Variants in CPSF7 observed in about 807,000 individuals in gnomAD.
The protein encoded by CPSF7 is cleavage and polyadenylation specificity factor subunit 7.
CPSF7 carries 1 observed loss-of-function variant against 44.3 expected under a neutral mutation model. The ratio of observed to expected loss-of-function variants is 0.02; its 90% confidence interval spans 0.01 to 0.11. The LOEUF (loss-of-function observed/expected upper bound fraction) is 0.11, where lower values mean the gene tolerates loss of function less well. Ranked by LOEUF, CPSF7 falls within the 10% of genes least tolerant of loss-of-function variation. CPSF7 has a pLI of 1.00. For missense variants in CPSF7, 443 were observed against 607.2 expected (o/e 0.73, Z 2.84); for synonymous variants, 202 against 222.0 (o/e 0.91, Z 0.80).
intron 8 of CPSF7, among the ~76,000 whole-genome samples, chr11:61,411,568 C>T (rs1242793511): frequency 6.6e-6 from 1 of 152,180 alleles, no homozygotes; most frequent in African/African-American, 2.4e-5. Context: ...AGCCCACTGC[C>T]TCACCCACCA....
chr11:61,411,853 C>A lies in CPSF7; in HGVS notation c.1142G>T (p.Arg381Leu), dbSNP rs777698856. Residue 381 changes from arginine to leucine, a missense_variant, in exon 8 of 10, where the codon CGT becomes CTT. By Grantham distance (102) the Arg-to-Leu change is moderately radical (BLOSUM62 -2). Coordinates refer to ENST00000439958, the MANE Select transcript of CPSF7 (RefSeq NM_001142565.3). ...QSRVANDERCRVLISSLKDCL... is the reference protein window; with the variant it reads ...QSRVANDERCLVLISSLKDCL... ...GTCCTTAAGAGAGGAGATGAGGACA[C>A]GGCAACGCTCATCATTGGCAACCCG... The A allele has an allele frequency of 1.2e-6, 2 of 1,613,784 alleles. No homozygotes were observed. The highest frequency in any genetic ancestry group is 1.1e-5 in the South Asian group (1 of 91,082).
At chr11:61,429,068 G>T in intron 2 of CPSF7, 114 bp downstream of exon 2, 2 of 630,300 alleles carry the variant, frequency 3.2e-6, no homozygotes, top group Non-Finnish European at 5.8e-6. Context: ...ATTTTAGACC[G>T]GATAGACGCG....
chr11:61,422,662 A>C (rs539336776), intron 2 of CPSF7, among the ~76,000 whole-genome samples: 49 of 152,316 alleles, frequency 3.2e-4, no homozygotes, highest in African/African-American at 1.2e-3. Context: ...CTAAAATATA[A>C]GGGCCAGAAA....
chr11:61,409,266 G>A (rs1859626527), intron 9 of CPSF7, among the ~76,000 whole-genome samples: 1 of 152,094 alleles, frequency 6.6e-6, no homozygotes, highest in Non-Finnish European at 1.5e-5. Context: ...GAGGTCAGGA[G>A]TTCAAGACCA....
chr11:61,418,795 T>C (rs1860583900), intron 5 of CPSF7, among the ~76,000 whole-genome samples: 1 of 151,820 alleles, frequency 6.6e-6, no homozygotes, highest in African/African-American at 2.4e-5. Flanking sequence ...CTCAGGTCAC[T>C]GCAACCTCCA....
At position 61,429,720 on chromosome 11, in the gene CPSF7, C is replaced by T. The variant is rs191521078; in HGVS notation, c.-56+194G>A. On this transcript the variant is annotated intron_variant, in intron 1 of 9. Coordinates refer to ENST00000439958, the MANE Select transcript of CPSF7 (RefSeq NM_001142565.3). ...GCCCCCAACCCAGGCCTACTCTTCG[C>T]CCCCAGCTAGGCCCGCCCCGCTCCC... The T allele has an allele frequency of 2.4e-4, 363 of 1,536,868 alleles. 1 individual carries two copies. In the African/African-American group the frequency reaches 4.7e-3, roughly 20 times the overall value.
At position 61,404,045 on chromosome 11, in the gene CPSF7, G is replaced by A. The variant is rs1859092057; in HGVS notation, c.*665C>T. ...AGGGGCAAGTCCACTGAGAAGGCTG[G>A]GCAGCGCAGAGTTGAAAGAGTTCAG... On this transcript the variant is annotated 3_prime_UTR_variant, in exon 10 of 10. Coordinates refer to ENST00000439958, the MANE Select transcript of CPSF7 (RefSeq NM_001142565.3). The A allele has an allele frequency of 6.5e-6, 1 of 152,684 alleles. No homozygotes were observed. The highest frequency in any genetic ancestry group is 2.4e-5 in the African/African-American group (1 of 41,462). 9.5% of individuals were successfully genotyped at this position (152,684 alleles called of 1,614,324 possible). A position where few individuals can be genotyped will look rare whatever the true frequency, so the allele number is the denominator to read the frequency against.
At chr11:61,419,894 C>T (rs768456315) in intron 5 of CPSF7, 55 bp downstream of exon 5, 2 of 1,595,020 alleles carry the variant, frequency 1.3e-6, no homozygotes, top group South Asian at 1.1e-5. Context: ...ACAAACACCC[C>T]CCCCTCATAC....
chr11:61,406,735 ATTTTAT>A (rs1483733146), intron 9 of CPSF7, among the ~76,000 whole-genome samples: 1 of 152,068 alleles, frequency 6.6e-6, no homozygotes, highest in Non-Finnish European at 1.5e-5. Context: ...GTCTCATCTT[ATTTTAT>A]TTTTATTACT....
At chr11:61,416,647 C>G (rs1204832911) in intron 5 of CPSF7, 128 bp from the exon 6 acceptor site, 2 of 926,744 alleles carry the variant, frequency 2.2e-6, no homozygotes, top group East Asian at 5.1e-5. Context: ...AAGGTAAAAT[C>G]ATCTACTGCC....
chr11:61,429,529 C>T, intron 1 of CPSF7: 1 of 560,802 alleles, frequency 1.8e-6, no homozygotes, highest in South Asian at 2.5e-5. Context: ...GCCGCAGCTG[C>T]CTATGGCGCG....
intron 2 of CPSF7, among the ~76,000 whole-genome samples, chr11:61,423,877 T>A (rs1443184445): frequency 1.3e-5 from 2 of 152,194 alleles, no homozygotes; most frequent in African/African-American, 2.4e-5. Context: ...TGAAGTACAG[T>A]GGAAGAAAAT....
At chr11:61,413,353 T>C (rs755046877) in intron 7 of CPSF7, among the ~76,000 whole-genome samples, 8 of 152,044 alleles carry the variant, frequency 5.3e-5, no homozygotes, top group Non-Finnish European at 1.0e-4. Flanking sequence ...AAATTATGGC[T>C]GGATGCAGTG....
At position 61,403,225 on chromosome 11, in the gene CPSF7, GTCTC is replaced by G. The variant is rs1286467556; in HGVS notation, c.*1481_*1484del. On this transcript the variant is annotated 3_prime_UTR_variant, in exon 10 of 10. Coordinates refer to ENST00000439958, the MANE Select transcript of CPSF7 (RefSeq NM_001142565.3). ...CAGAGGACGGGTTTAGTCCAATTCA[GTCTC>G]TCTCCTCTGACCCAGAAGGGTCTCT... 6.6e-6 allele frequency: 1 copy of G among 152,286 alleles called. No individual in the cohort carries two copies. Among genetic ancestry groups the G allele is most frequent in the African/African-American group, 2.4e-5 (1 of 41,414 alleles). The allele number at this position is 152,286 out of a possible 1,614,324, so 9.4% of individuals were successfully genotyped here.
Position 61,411,866 on chromosome 11 carries a change from C to A in CPSF7, c.1129G>T (p.Asp377Tyr). ...GAGATGAGGACACGGCAACGCTCAT[C>A]ATTGGCAACCCGGGACTGTTTGATA... ...AVIKQSRVAN[D>Y]ERCRVLISSL... Residue 377 changes from aspartate to tyrosine, a missense_variant, in exon 8 of 10, where the codon GAT becomes TAT. Transcript: ENST00000439958. 1 of 1,614,216 alleles carries A rather than the reference C, an allele frequency of 6.2e-7. No homozygotes were observed. Among genetic ancestry groups the A allele is most frequent in the Non-Finnish European group, 8.5e-7 (1 of 1,180,016 alleles).
chr11:61,418,327 G>A (rs550891018), intron 5 of CPSF7, among the ~76,000 whole-genome samples: 1 of 152,250 alleles, frequency 6.6e-6, no homozygotes, highest in South Asian at 2.1e-4. Context: ...AATAAGGGTG[G>A]TTGGCTGTCT....
chr11:61,404,665 T>C lies in CPSF7; in HGVS notation c.*45A>G, dbSNP rs1406345545. 1 of 152,062 alleles carries C rather than the reference T, an allele frequency of 6.6e-6. No homozygotes were observed. Among genetic ancestry groups the C allele is most frequent in the African/African-American group, 2.4e-5 (1 of 41,396 alleles). The allele number at this position is 152,062 out of a possible 1,614,324, so 9.4% of individuals were successfully genotyped here. ...TTTAGTCCTGATCAAGGTGAGGAGA[T>C]GCAAGTCCATTAAAAAAACATTTGC... On this transcript the variant is annotated 3_prime_UTR_variant, in exon 10 of 10. Transcript: ENST00000439958.
chr11:61,408,582 A>T (rs1859544550), intron 9 of CPSF7, among the ~76,000 whole-genome samples: 1 of 152,194 alleles, frequency 6.6e-6, no homozygotes, highest in Non-Finnish European at 1.5e-5. Context: ...AGATTTCCAT[A>T]GAAGCAGAGA....
At chr11:61,421,303 G>A in intron 3 of CPSF7, 87 bp downstream of exon 3, 5 of 1,176,098 alleles carry the variant, frequency 4.3e-6, no homozygotes, top group Non-Finnish European at 6.2e-6. Context: ...GCACAAAACA[G>A]TGCAACAGTA....
Sources: allele counts gnomAD v4.1 joint callset (sites outside exome capture counted in the v4.1 genomes callset), GRCh38; gene constraint gnomAD v4.1.1; transcripts MANE v1.5; gene names NCBI Gene and HGNC (gene_info 2026-07-23, HGNC 2026-07-21).